Variants in RAB6A observed in about 807,000 individuals in gnomAD.
RAB6A encodes the protein ras-related protein Rab-6A.
RAB6A carries 8 observed loss-of-function variants against 32.3 expected under a neutral mutation model. That is an observed-to-expected ratio of 0.25 (90% confidence interval 0.15 to 0.45). The LOEUF (loss-of-function observed/expected upper bound fraction) is 0.45, where lower values mean the gene tolerates loss of function less well. Among genes scored for constraint, RAB6A ranks in the 20% least tolerant of loss-of-function variants. The pLI, the probability that RAB6A is intolerant of heterozygous loss-of-function variation, is 1.00. For synonymous variants in RAB6A, 73 were observed against 82.1 expected, an observed-to-expected ratio of 0.89 and a Z score of 0.60; for missense variants, 104 against 249.4, an observed-to-expected ratio of 0.42 and a Z score of 3.93.
At chr11:73,692,947 C>T (rs961571379) in intron 6 of RAB6A, among the ~76,000 whole-genome samples, 7 of 149,846 alleles carry the variant, frequency 4.7e-5, no homozygotes, top group East Asian at 2.0e-4. Flanking sequence ...GGCTACAGAG[C>T]GAGACTGTCT....
chr11:73,742,756 A>T (rs1033925393), intron 1 of RAB6A, among the ~76,000 whole-genome samples: 5 of 151,936 alleles, frequency 3.3e-5, no homozygotes, highest in Admixed American at 6.6e-5. Context: ...GTTGCAGTGA[A>T]TCGAGATTGC....
intron 1 of RAB6A, among the ~76,000 whole-genome samples, chr11:73,739,004 AT>A (rs1946445977): frequency 6.6e-6 from 1 of 151,136 alleles, no homozygotes; most frequent in African/African-American, 2.4e-5. Flanking sequence ...ACAGTGGCTC[AT>A]GCCTGTAATC....
intron 1 of RAB6A, among the ~76,000 whole-genome samples, chr11:73,757,323 T>G (rs905663135): frequency 6.7e-6 from 1 of 149,808 alleles, no homozygotes; most frequent in Admixed American, 6.7e-5. Flanking sequence ...AATTTTTGTA[T>G]TTTTGTAGAG....
chr11:73,734,228 C>T (rs1477905295), intron 1 of RAB6A, among the ~76,000 whole-genome samples: 1 of 152,150 alleles, frequency 6.6e-6, no homozygotes, highest in African/African-American at 2.4e-5. Context: ...TGGGGTCAAG[C>T]GATTCTCCTG....
chr11:73,711,217 G>A (rs762862854), intron 5 of RAB6A, among the ~76,000 whole-genome samples: 2 of 152,290 alleles, frequency 1.3e-5, no homozygotes, highest in Non-Finnish European at 2.9e-5. Context: ...TCTAGGTCCT[G>A]CTGAAGCTTC....
intron 1 of RAB6A, among the ~76,000 whole-genome samples, chr11:73,732,651 T>C (rs1357755575): frequency 6.6e-6 from 1 of 152,010 alleles, no homozygotes; most frequent in African/African-American, 2.4e-5. Flanking sequence ...ACCCAGCTAC[T>C]TGGGAGGCTC....
chr11:73,739,423 C>T (rs1946460435), intron 1 of RAB6A, among the ~76,000 whole-genome samples: 1 of 149,490 alleles, frequency 6.7e-6, no homozygotes, highest in Non-Finnish European at 1.5e-5. Flanking sequence ...CTTCCCGCCT[C>T]AGCCTCCCAA....
At chr11:73,678,011 C>T (rs1257584804) in intron 7 of RAB6A, 49 bp from the exon 8 acceptor site, 10 of 1,570,986 alleles carry the variant, frequency 6.4e-6, no homozygotes, top group East Asian at 4.5e-5. Context: ...AATTTCAATT[C>T]TTCCAAACAC....
chr11:73,710,992 T>G (rs976175049), intron 5 of RAB6A, among the ~76,000 whole-genome samples: 5 of 152,212 alleles, frequency 3.3e-5, no homozygotes, highest in Non-Finnish European at 7.3e-5. Flanking sequence ...TCCCTCATTT[T>G]GGCCACTCAT....
intron 6 of RAB6A, among the ~76,000 whole-genome samples, chr11:73,686,895 T>C (rs540302858): frequency 5.9e-5 from 9 of 152,088 alleles, no homozygotes; most frequent in Non-Finnish European, 1.2e-4. Flanking sequence ...TTCAAAAGAA[T>C]TGAAAGCAGT....
intron 1 of RAB6A, 144 bp downstream of exon 1, chr11:73,760,422 C>T: frequency 1.8e-6 from 2 of 1,133,056 alleles, no homozygotes; most frequent in Non-Finnish European, 2.5e-6. Context: ...CCAGTGGCAC[C>T]GGGGGGCACA....
At chr11:73,695,954 T>C (rs1008126214) in intron 6 of RAB6A, among the ~76,000 whole-genome samples, 2 of 152,188 alleles carry the variant, frequency 1.3e-5, no homozygotes, top group Non-Finnish European at 2.9e-5. Flanking sequence ...ATAATTTTAA[T>C]GTAAAGAGAT....
chr11:73,699,159 G>A (rs1344646183), intron 6 of RAB6A, among the ~76,000 whole-genome samples: 1 of 151,064 alleles, frequency 6.6e-6, no homozygotes, highest in African/African-American at 2.4e-5. Context: ...GGCCGATAAT[G>A]CTGTTTTTTA....
chr11:73,680,510 G>A (rs1945338571), intron 6 of RAB6A, among the ~76,000 whole-genome samples: 1 of 152,266 alleles, frequency 6.6e-6, no homozygotes, highest in Admixed American at 6.5e-5. Flanking sequence ...AAATGAGCTG[G>A]GTGTGGTGGC....
chr11:73,721,921 A>T (rs1198571289), intron 2 of RAB6A, among the ~76,000 whole-genome samples: 1 of 152,154 alleles, frequency 6.6e-6, no homozygotes, highest in Non-Finnish European at 1.5e-5. Context: ...GCAGAAAAAT[A>T]GAATTTTGTG....
At chr11:73,736,092 G>C (rs1195097628) in intron 1 of RAB6A, among the ~76,000 whole-genome samples, 1 of 151,804 alleles carries the variant, frequency 6.6e-6, no homozygotes, top group African/African-American at 2.4e-5. Context: ...CAGAGTAGCA[G>C]ACGATACAGG....
At chr11:73,755,431 C>G (rs933569815) in intron 1 of RAB6A, among the ~76,000 whole-genome samples, 1 of 151,880 alleles carries the variant, frequency 6.6e-6, no homozygotes, top group Non-Finnish European at 1.5e-5. Context: ...AGAGCTGGGA[C>G]TACAGGCACG....
rs182395681 is a variant in RAB6A at position 73,733,509 on chromosome 11, A to T, written c.71-2686T>A. 1.4e-3 allele frequency among the ~76,000 whole-genome samples: 213 copies of T among 151,952 alleles called. 2 individuals are homozygous for T. The highest frequency in any genetic ancestry group is 5.0e-3 in the African/African-American group (209 of 41,494). ...GGTTACAGTGAGCCGAGATCATGCC[A>T]CTGCACTCCAGCCTGGGCGACAGGG... On this transcript the variant is annotated intron_variant, in intron 1 of 7. Coordinates refer to ENST00000336083, the MANE Select transcript of RAB6A (RefSeq NM_198896.2).
chr11:73,679,785 GATCACTGT>G, intron 6 of RAB6A, 65 bp from the exon 7 acceptor site: 1 of 1,592,234 alleles, frequency 6.3e-7, no homozygotes, highest in South Asian at 1.1e-5. Flanking sequence ...TGAGGTTTAT[GATCACTGT>G]ACAGTGAGCT....
Sources: allele counts gnomAD v4.1 joint callset (sites outside exome capture counted in the v4.1 genomes callset), GRCh38; gene constraint gnomAD v4.1.1; transcripts MANE v1.5; gene names NCBI Gene and HGNC (gene_info 2026-07-23, HGNC 2026-07-21).